Variants in DNAH6 observed in about 807,000 individuals in gnomAD.
DNAH6 encodes axonemal beta dynein heavy chain 6.
DNAH6 carries 340 observed loss-of-function variants against 491.4 expected under a neutral mutation model. The observed-to-expected ratio is 0.69, with a 90% CI of 0.63 to 0.76. The LOEUF is 0.76. Ranked by LOEUF, DNAH6 falls within the 30% of genes least tolerant of loss-of-function variation. The probability of loss-of-function intolerance (pLI) is 0.00; values close to 1 mark genes in which losing one functional copy is unlikely to be tolerated. For synonymous variants in DNAH6, 1,603 were observed against 1,686.1 expected, an observed-to-expected ratio of 0.95 and a Z score of 1.21; for missense variants, 4,443 against 4,972.2, an observed-to-expected ratio of 0.89 and a Z score of 3.20.
chr2:84,621,153 A>ACACAAGC, intron 24 of DNAH6, 38 bp from the exon 25 acceptor site: 1 of 1,547,668 alleles, frequency 6.5e-7, no homozygotes, highest in Non-Finnish European at 8.7e-7. Flanking sequence ...TACAAGTCCC[A>ACACAAGC]CACAAGCCAC....
chr2:84,627,077 G>T (rs933829797), intron 29 of DNAH6, among the ~76,000 whole-genome samples: 2 of 152,152 alleles, frequency 1.3e-5, no homozygotes, highest in Non-Finnish European at 2.9e-5. Context: ...TTCTGAGAGC[G>T]TGAACCCTGA....
chr2:84,505,397 G>A, the DNAH6 span, among the ~76,000 whole-genome samples: 1 of 152,072 alleles, frequency 6.6e-6, no homozygotes, highest in Non-Finnish European at 1.5e-5. Flanking sequence ...AAATTGAAGT[G>A]GCAAGATCAG....
chr2:84,753,817 T>A (rs1673719556), intron 63 of DNAH6, among the ~76,000 whole-genome samples: 1 of 147,854 alleles, frequency 6.8e-6, no homozygotes. Flanking sequence ...CTTTGATACA[T>A]TTTGAGTTAA....
At chr2:84,618,836 A>G (rs910933011) in intron 23 of DNAH6, among the ~76,000 whole-genome samples, 1 of 152,152 alleles carries the variant, frequency 6.6e-6, no homozygotes, top group African/African-American at 2.4e-5. Flanking sequence ...ATAAAAGGTC[A>G]CATAGTAGAT....
intron 22 of DNAH6, among the ~76,000 whole-genome samples, chr2:84,614,854 T>A (rs1436224127): frequency 6.6e-6 from 1 of 152,034 alleles, no homozygotes; most frequent in East Asian, 1.9e-4. Flanking sequence ...TGTCCTTAGC[T>A]CACTTTTTGA....
intron 73 of DNAH6, 135 bp from the exon 74 acceptor site, chr2:84,812,923 G>A (rs928157654): frequency 1.5e-6 from 1 of 688,922 alleles, no homozygotes; most frequent in Non-Finnish European, 2.5e-6. Flanking sequence ...GGCAGGCAGT[G>A]AAATGGGGGT....
intron 18 of DNAH6, among the ~76,000 whole-genome samples, chr2:84,598,479 T>C (rs1207743506): frequency 6.6e-6 from 1 of 152,204 alleles, no homozygotes; most frequent in Non-Finnish European, 1.5e-5. Context: ...GCTTTTTGTT[T>C]TGTGTGAACA....
At chr2:84,798,035 T>G (rs1678509055) in intron 70 of DNAH6, among the ~76,000 whole-genome samples, 1 of 152,232 alleles carries the variant, frequency 6.6e-6, no homozygotes, top group African/African-American at 2.4e-5. Context: ...CAAAGGTCTG[T>G]GGATCCATAC....
At chr2:84,669,080 T>C (rs1257671485) in intron 37 of DNAH6, among the ~76,000 whole-genome samples, 1 of 152,174 alleles carries the variant, frequency 6.6e-6, no homozygotes, top group East Asian at 1.9e-4. Context: ...ATATAATCGG[T>C]ATAACAGATA....
chr2:84,769,132 A>G (rs1573753304), intron 64 of DNAH6, among the ~76,000 whole-genome samples: 1 of 152,218 alleles, frequency 6.6e-6, no homozygotes, highest in Middle Eastern at 3.2e-3. Flanking sequence ...CCAGAAAGAG[A>G]GAGTGGAGCT....
chr2:84,552,172 T>C (rs569819335), intron 9 of DNAH6, among the ~76,000 whole-genome samples: 1 of 152,296 alleles, frequency 6.6e-6, no homozygotes, highest in Admixed American at 6.5e-5. Context: ...TCAAATGTTG[T>C]ATTCTTCTAA....
At chr2:84,514,867 TCA>T (rs58335460), upstream of DNAH6, among the ~76,000 whole-genome samples, 264 of 138,994 alleles carry the variant, frequency 1.9e-3, no homozygotes, top group East Asian at 6.2e-3. Context: ...TTCACCACAG[TCA>T]CACACACACA....
intron 26 of DNAH6, among the ~76,000 whole-genome samples, chr2:84,622,096 C>A (rs1308116821): frequency 1.3e-5 from 2 of 152,168 alleles, no homozygotes; most frequent in African/African-American, 4.8e-5. Flanking sequence ...TGAACAGCAA[C>A]TCCACATTTC....
At position 84,787,253 on chromosome 2, in the gene DNAH6, C is replaced by T. The variant is rs1677287487; in HGVS notation, c.11190C>T (p.Leu3730=). ...DRECALLNLK[L]YCKEGKIPWD... ...AATGTGCTTTACTGAATCTCAAACTCTATTGTAAAGAAGGAAAGATTCCCT... is the reference window on the plus strand; with the variant it reads ...AATGTGCTTTACTGAATCTCAAACTTTATTGTAAAGAAGGAAAGATTCCCT... Residue 3730 remains leucine, a synonymous_variant, in exon 68 of 77, where the codon CTC becomes CTT. Transcript: ENST00000389394. The T allele has an allele frequency of 6.5e-7, 1 of 1,547,506 alleles. No homozygotes were observed. Among genetic ancestry groups the T allele is most frequent in the Non-Finnish European group, 8.7e-7 (1 of 1,144,270 alleles).
At chr2:84,568,703 A>G (rs1681474844) in intron 11 of DNAH6, among the ~76,000 whole-genome samples, 2 of 152,310 alleles carry the variant, frequency 1.3e-5, no homozygotes, top group South Asian at 4.1e-4. Context: ...TATCCTGCAC[A>G]TGCATCCTGG....
chr2:84,634,477 A>G, intron 29 of DNAH6, 27 bp from the exon 30 acceptor site: 2 of 1,509,318 alleles, frequency 1.3e-6, no homozygotes, highest in Non-Finnish European at 1.8e-6. Flanking sequence ...CACAATACAA[A>G]GTTGAACTGC....
At chr2:84,729,565 G>A (rs150384489) in intron 61 of DNAH6, among the ~76,000 whole-genome samples, 1 of 152,266 alleles carries the variant, frequency 6.6e-6, no homozygotes, top group African/African-American at 2.4e-5. Context: ...ATTCAAACCT[G>A]TGTTCTAAGC....
Position 84,713,117 on chromosome 2 carries a change from C to T in DNAH6, c.9401C>T (p.Ala3134Val). The T allele has an allele frequency of 6.4e-7, 1 of 1,551,694 alleles. No individual in the cohort carries two copies. Among genetic ancestry groups the T allele is most frequent in the Non-Finnish European group, 8.7e-7 (1 of 1,146,958 alleles). Residue 3134 changes from alanine to valine, a missense_variant, in exon 57 of 77, where the codon GCT becomes GTT. Coordinates refer to ENST00000389394, the MANE Select transcript of DNAH6 (RefSeq NM_001370.2). Reference protein sequence around the residue: ...LEELKETLDPALEPILLKQIF... With the variant: ...LEELKETLDPVLEPILLKQIF... Reference sequence around the variant, plus strand: ...AAGCTTAAGGAAACCTTGGATCCAGCTCTAGAACCCATTCTTTTGAAACAA... The same window carrying T: ...AAGCTTAAGGAAACCTTGGATCCAGTTCTAGAACCCATTCTTTTGAAACAA...
chr2:84,562,112 A>T (rs986693683), intron 11 of DNAH6, among the ~76,000 whole-genome samples: 5 of 152,206 alleles, frequency 3.3e-5, no homozygotes, highest in Admixed American at 6.5e-5. Context: ...AGAGAAAAGT[A>T]GAATAAGGTT....
Sources: gnomAD v4.1 joint callset for allele counts (sites outside exome capture counted in the v4.1 genomes callset) on GRCh38, gnomAD v4.1.1 for gene constraint, MANE v1.5 for transcripts, NCBI Gene and HGNC (gene_info 2026-07-23, HGNC 2026-07-21) for gene names.